The following RAD51B variants were observed in gnomAD, a reference collection of about 807,000 sequenced individuals.
RAD51B encodes the protein DNA repair protein RAD51 homolog 2.
RAD51B carries 38 observed loss-of-function variants against 42.2 expected under a neutral mutation model. That is an observed-to-expected ratio of 0.90 (90% CI 0.70 to 1.18). The LOEUF is 1.18. Among genes scored for constraint, RAD51B ranks in the 50% most tolerant of loss-of-function variants. The pLI is 0.00. For synonymous variants in RAD51B, 154 were observed against 145.2 expected, an observed-to-expected ratio of 1.06 and a Z score of -0.43; for missense variants, 373 against 400.7, an observed-to-expected ratio of 0.93 and a Z score of 0.59.
At chr14:67,834,005 C>G (rs1378056308) in intron 3 of RAD51B, among the ~76,000 whole-genome samples, 1 of 152,156 alleles carries the variant, frequency 6.6e-6, no homozygotes, top group Non-Finnish European at 1.5e-5. Context: ...ACAAATCACA[C>G]CCTGGGTGGC....
intron 7 of RAD51B, among the ~76,000 whole-genome samples, chr14:68,104,394 G>A (rs2077342154): frequency 6.6e-6 from 1 of 152,062 alleles, no homozygotes; most frequent in Non-Finnish European, 1.5e-5. Flanking sequence ...TTTGAGCAAG[G>A]CCTTAGTTGT....
intron 7 of RAD51B, among the ~76,000 whole-genome samples, chr14:67,958,255 G>A (rs1202769389): frequency 1.3e-5 from 2 of 152,190 alleles, no homozygotes; most frequent in Non-Finnish European, 2.9e-5. Flanking sequence ...GATGATGATG[G>A]TGATGATTTT....
intron 7 of RAD51B, among the ~76,000 whole-genome samples, chr14:67,916,129 T>C (rs534647928): frequency 6.6e-6 from 1 of 152,348 alleles, no homozygotes; most frequent in East Asian, 1.9e-4. Flanking sequence ...GGTTCCCAGA[T>C]AGATAGTTGA....
At chr14:67,974,645 A>G (rs1013183821) in intron 7 of RAD51B, among the ~76,000 whole-genome samples, 2 of 152,182 alleles carry the variant, frequency 1.3e-5, no homozygotes, top group African/African-American at 4.8e-5. Context: ...TTACTACAGT[A>G]CATGAGACTT....
At chr14:68,043,284 C>G (rs2076244086) in intron 7 of RAD51B, among the ~76,000 whole-genome samples, 1 of 152,132 alleles carries the variant, frequency 6.6e-6, no homozygotes, top group Non-Finnish European at 1.5e-5. Flanking sequence ...GCAAAACATC[C>G]TAGAGTTATT....
intron 10 of RAD51B, among the ~76,000 whole-genome samples, chr14:68,623,327 A>C (rs1891997539): frequency 6.6e-6 from 1 of 152,012 alleles, no homozygotes; most frequent in African/African-American, 2.4e-5. Context: ...GTACGGTGTC[A>C]CTCTTGGGGA....
At chr14:68,342,622 T>C (rs2082594267) in intron 8 of RAD51B, among the ~76,000 whole-genome samples, 1 of 152,186 alleles carries the variant, frequency 6.6e-6, no homozygotes, top group South Asian at 2.1e-4. Context: ...AGTTTAGCTT[T>C]GGAGTTAATG....
intron 8 of RAD51B, among the ~76,000 whole-genome samples, chr14:68,324,821 G>A (rs1016233464): frequency 5.9e-5 from 9 of 151,958 alleles, no homozygotes; most frequent in East Asian, 1.9e-4. Flanking sequence ...GCTTTACTTC[G>A]GTAGTGCTGA....
intron 7 of RAD51B, among the ~76,000 whole-genome samples, chr14:67,927,192 A>G (rs1005321724): frequency 2.6e-5 from 4 of 152,168 alleles, no homozygotes; most frequent in African/African-American, 7.2e-5. Context: ...GACACCTTAT[A>G]TACCTTGGAT....
downstream of RAD51B, among the ~76,000 whole-genome samples, chr14:68,482,671 G>T (rs1883296001): frequency 6.6e-6 from 1 of 152,110 alleles, no homozygotes; most frequent in South Asian, 2.1e-4. Context: ...AGAATTCAAA[G>T]AGGCTTCTTT....
rs558205014 is a variant in RAD51B, at chr14:67,842,660, G to A, written c.315+7464G>A. On this transcript the variant is annotated intron_variant, in intron 4 of 10. Coordinates refer to ENST00000471583, the MANE Select transcript of RAD51B (RefSeq NM_133510.4). ...TCTGGGATTACAGGCATGTGCCACC[G>A]TGCCCAGCCTTATTTCTTTCTCTTG... is the stretch of plus-strand genomic sequence containing the variant. Among the ~76,000 whole-genome samples, 6 of 152,250 alleles carry A rather than the reference G, an allele frequency of 3.9e-5. No homozygotes were observed. The South Asian group carries it at 6.2e-4, about 16-fold the overall frequency.
chr14:68,473,894 A>G (rs769921352), intron 10 of RAD51B, among the ~76,000 whole-genome samples: 2 of 152,248 alleles, frequency 1.3e-5, no homozygotes, highest in Non-Finnish European at 1.5e-5. Flanking sequence ...CACACATAGT[A>G]TAATGATTGA....
intron 10 of RAD51B, among the ~76,000 whole-genome samples, chr14:68,507,218 T>G (rs942002205): frequency 2.0e-5 from 3 of 152,156 alleles, no homozygotes; most frequent in African/African-American, 7.2e-5. Context: ...AATGACCCCC[T>G]CCTTCATTGC....
intron 10 of RAD51B, among the ~76,000 whole-genome samples, chr14:68,647,245 T>G (rs143018781): frequency 7.9e-5 from 12 of 152,328 alleles, no homozygotes; most frequent in African/African-American, 2.9e-4. Flanking sequence ...CTTTTACCTC[T>G]TATTGCTACT....
chr14:67,971,211 T>A (rs181926842), intron 7 of RAD51B, among the ~76,000 whole-genome samples: 49 of 151,882 alleles, frequency 3.2e-4, no homozygotes, highest in Non-Finnish European at 5.9e-4. Flanking sequence ...TTAGGAAAGG[T>A]TTTTTTTCCT....
chr14:68,429,928 G>T (rs548576152), intron 9 of RAD51B, among the ~76,000 whole-genome samples: 1 of 152,272 alleles, frequency 6.6e-6, no homozygotes, highest in South Asian at 2.1e-4. Context: ...TTTTGTACAA[G>T]GTGTATGGAA....
At chr14:68,518,554 G>GCCCCCCCCCCCCCCCCCC (rs11341781) in intron 10 of RAD51B, among the ~76,000 whole-genome samples, 1 of 137,358 alleles carries the variant, frequency 7.3e-6, no homozygotes, top group Non-Finnish European at 1.6e-5. Flanking sequence ...GGTCATATGA[G>GCCCCCCCCCCCCCCCCCC]CCCCCCCCCC....
chr14:68,032,986 C>A (rs948607655), intron 7 of RAD51B, among the ~76,000 whole-genome samples: 5 of 152,178 alleles, frequency 3.3e-5, no homozygotes, highest in Non-Finnish European at 7.4e-5. Flanking sequence ...CTGGTTTCAA[C>A]CTAAACTTTA....
chr14:68,253,724 C>A (rs2080690901), intron 7 of RAD51B, among the ~76,000 whole-genome samples: 1 of 152,302 alleles, frequency 6.6e-6, no homozygotes, highest in South Asian at 2.1e-4. Context: ...TTTACAGTAA[C>A]CCCCCTGTGG....
Sources: allele counts gnomAD v4.1 joint callset (sites outside exome capture counted in the v4.1 genomes callset), GRCh38; gene constraint gnomAD v4.1.1; transcripts MANE v1.5; gene names NCBI Gene and HGNC (gene_info 2026-07-23, HGNC 2026-07-21).